CHIC2: variants seen among roughly 807,000 people sequenced by gnomAD.
The protein encoded by CHIC2 is cysteine-rich hydrophobic domain-containing protein 2.
Under a neutral mutation model 25.9 loss-of-function variants are expected in CHIC2, and 14 were observed. The ratio of observed to expected loss-of-function variants is 0.54; its 90% CI spans 0.36 to 0.85. The LOEUF (loss-of-function observed/expected upper bound fraction) is 0.85. Among genes scored for constraint, CHIC2 ranks in the 40% least tolerant of loss-of-function variants. The probability of loss-of-function intolerance (pLI) is 0.01; values close to 1 mark genes in which losing one functional copy is unlikely to be tolerated. For synonymous variants in CHIC2, 70 were observed against 72.0 expected, an observed-to-expected ratio of 0.97 and a Z score of 0.14; for missense variants, 146 against 202.0, an observed-to-expected ratio of 0.72 and a Z score of 1.68.
chr4:54,038,088 T>G (rs1177668920), intron 3 of CHIC2, among the ~76,000 whole-genome samples: 1 of 152,066 alleles, frequency 6.6e-6, no homozygotes, highest in East Asian at 1.9e-4. Context: ...AGCAAGGAGT[T>G]TGCTCTCATC....
At chr4:54,048,648 GAA>G (rs1716906633) in intron 3 of CHIC2, among the ~76,000 whole-genome samples, 1 of 152,056 alleles carries the variant, frequency 6.6e-6, no homozygotes, top group African/African-American at 2.4e-5. Context: ...AGGTCACAGA[GAA>G]AAGTGGTAGA....
the CHIC2 span, chr4:54,087,586 T>G: frequency 1.1e-6 from 1 of 887,332 alleles, no homozygotes; most frequent in Non-Finnish European, 1.6e-6. Context: ...TGTCCCAGGT[T>G]TAAGGGGCAC....
intron 3 of CHIC2, among the ~76,000 whole-genome samples, chr4:54,043,902 G>C (rs1244424899): frequency 6.6e-6 from 1 of 152,118 alleles, no homozygotes. Flanking sequence ...CTGTATTCAG[G>C]AAACACATCT....
chr4:54,083,993 TCTC>T, the CHIC2 span, among the ~76,000 whole-genome samples: 1 of 152,130 alleles, frequency 6.6e-6, no homozygotes, highest in Non-Finnish European at 1.5e-5. Flanking sequence ...AGAAGTCTCT[TCTC>T]CTGCTGTTGT....
intron 3 of CHIC2, among the ~76,000 whole-genome samples, chr4:54,025,421 G>T (rs903504171): frequency 2.6e-5 from 4 of 152,116 alleles, no homozygotes; most frequent in Non-Finnish European, 5.9e-5. Flanking sequence ...AAGAACTAAT[G>T]ATAATCTCAC....
At chr4:54,020,232 T>G (rs1349049168) in intron 3 of CHIC2, among the ~76,000 whole-genome samples, 1 of 152,140 alleles carries the variant, frequency 6.6e-6, no homozygotes, top group Non-Finnish European at 1.5e-5. Flanking sequence ...TGCCCCACCT[T>G]AACTGATCAA....
chr4:54,068,405 GACA>G (rs1385003861), upstream of CHIC2, among the ~76,000 whole-genome samples: 5 of 152,142 alleles, frequency 3.3e-5, no homozygotes, highest in African/African-American at 4.8e-5. Flanking sequence ...ACAGCAAGAA[GACA>G]ACCATATACA....
chr4:54,052,687 T>C, intron 1 of CHIC2, among the ~76,000 whole-genome samples: 2 of 152,312 alleles, frequency 1.3e-5, no homozygotes, highest in African/African-American at 4.8e-5. Flanking sequence ...AATTCAGTTA[T>C]CTACAAGACT....
chr4:54,010,104 T>C lies in CHIC2; in HGVS notation c.489A>G (p.Arg163=). 6.2e-7 allele frequency: 1 copy of C among 1,604,400 alleles called. No individual in the cohort carries two copies. Among genetic ancestry groups the C allele is most frequent in the African/African-American group, 1.3e-5 (1 of 74,720 alleles). ...IEFLPKTPIF[R]PD ...ATAAATAAAGTAAATGCTAATCTGG[T>C]CGAAAAATCGGTGTCTTTGGTAAAA... The change falls in exon 6 of 6, where the codon CGA becomes CGG. Residue 163 remains arginine, a synonymous_variant. Coordinates refer to ENST00000263921, the MANE Select transcript of CHIC2 (RefSeq NM_012110.4).
the CHIC2 span, chr4:54,087,698 TA>T: frequency 1.9e-6 from 1 of 539,110 alleles, no homozygotes; most frequent in Non-Finnish European, 3.3e-6. Flanking sequence ...CATGATTTCC[TA>T]AAATATCTGG....
chr4:54,086,250 C>T, the CHIC2 span, among the ~76,000 whole-genome samples: 1 of 151,934 alleles, frequency 6.6e-6, no homozygotes, highest in African/African-American at 2.4e-5. Flanking sequence ...GCTGGTCATA[C>T]ACAAGTTTTG....
chr4:54,084,526 C>T, the CHIC2 span, among the ~76,000 whole-genome samples: 2 of 151,492 alleles, frequency 1.3e-5, no homozygotes, highest in African/African-American at 2.4e-5. Context: ...AAAAACCCCT[C>T]TCAAGGACAG....
chr4:54,022,991 A>G (rs1225019524), intron 3 of CHIC2, among the ~76,000 whole-genome samples: 1 of 152,026 alleles, frequency 6.6e-6, no homozygotes, highest in Non-Finnish European at 1.5e-5. Flanking sequence ...GTGGTGCCAA[A>G]CCCATATACT....
At chr4:54,063,829 AGGG>A (rs746826545) in intron 1 of CHIC2, among the ~76,000 whole-genome samples, 3 of 152,200 alleles carry the variant, frequency 2.0e-5, no homozygotes, top group Non-Finnish European at 4.4e-5. Context: ...AGACAACCAC[AGGG>A]TAACTGGGCG....
At chr4:54,042,026 G>GA (rs979036450) in intron 3 of CHIC2, among the ~76,000 whole-genome samples, 41 of 148,018 alleles carry the variant, frequency 2.8e-4, no homozygotes, top group African/African-American at 8.7e-4. Flanking sequence ...AAAAAAAAAG[G>GA]AAAAAAAAAT....
intron 3 of CHIC2, among the ~76,000 whole-genome samples, chr4:54,031,611 CTTTTTTTTTTTT>C (rs1037563282): frequency 9.7e-6 from 1 of 103,410 alleles, no homozygotes; most frequent in Non-Finnish European, 1.8e-5. Context: ...GATGTACTTG[CTTTTTTTTTTTT>C]TTTTTTTTTT....
rs1301025138 is a variant in CHIC2 at position 54,064,484 on chromosome 4, A to G, written c.-184T>C. ...GGATGGGGTCTGGACCGTCGCCGCC[A>G]CCGCCGCCGCCATTACCATCAGCAA... On this transcript the variant is annotated 5_prime_UTR_variant, in exon 1 of 6. Transcript: ENST00000263921. The surrounding 1 kb of genome is among the most constrained non-coding windows in gnomAD (Gnocchi z 4.2). 9 of 1,441,132 alleles carry G rather than the reference A, an allele frequency of 6.2e-6. No individual in the cohort carries two copies. The Admixed American group carries it at 8.7e-5, about 14-fold the overall frequency. 89.3% of individuals were successfully genotyped at this position (1,441,132 alleles called of 1,614,324 possible).
intron 3 of CHIC2, among the ~76,000 whole-genome samples, chr4:54,028,952 G>A (rs559244769): frequency 6.4e-4 from 98 of 152,074 alleles, no homozygotes; most frequent in African/African-American, 2.1e-3. Context: ...GTGAAACCCC[G>A]TCTCTACTAA....
At chr4:54,091,199 C>G in the CHIC2 span, among the ~76,000 whole-genome samples, 1 of 152,154 alleles carries the variant, frequency 6.6e-6, no homozygotes, top group African/African-American at 2.4e-5. Flanking sequence ...CAGCGCACCC[C>G]CCAGACACTC....
Sources: gnomAD v4.1 joint callset for allele counts (sites outside exome capture counted in the v4.1 genomes callset) on GRCh38, gnomAD v4.1.1 for gene constraint, Gnocchi (gnomAD v3.1) non-coding constraint, MANE v1.5 for transcripts, NCBI Gene and HGNC (gene_info 2026-07-23, HGNC 2026-07-21) for gene names.